The following PLCB3 variants were observed in gnomAD, a reference collection of about 807,000 sequenced individuals.
The protein encoded by PLCB3 is phospholipase C beta 3.
Under a neutral mutation model 152.1 loss-of-function variants are expected in PLCB3, and 54 were observed. The observed-to-expected ratio is 0.36, with a 90% CI of 0.29 to 0.45. The LOEUF is 0.45. PLCB3 is among the 20% of genes least tolerant of loss of function. The probability of loss-of-function intolerance (pLI) is 1.00; values close to 1 mark genes in which losing one functional copy is unlikely to be tolerated. For synonymous variants in PLCB3, 717 were observed against 698.7 expected (o/e 1.03, Z -0.41); for missense variants, 1,248 against 1,687.5 (o/e 0.74, Z 4.56).
In PLCB3 at chr11:64,258,882, C is replaced by T; in HGVS notation, c.1254-3C>T. 1 of 1,614,004 alleles carries T rather than the reference C, an allele frequency of 6.2e-7. No homozygotes were observed. The highest frequency in any genetic ancestry group is 1.3e-5 in the African/African-American group (1 of 75,026). On this transcript the variant is annotated splice_region_variant and splice_polypyrimidine_tract_variant and intron_variant, in intron 11 of 30. Coordinates refer to ENST00000279230, the MANE Select transcript of PLCB3 (RefSeq NM_000932.5). This position sits in a 1 kb window ranked among gnomAD's most constrained non-coding sequence, Gnocchi z 7.2. ...TCTCTGACCTCTGACCTCGGTTCCG[C>T]AGGGCAAAGCAACAGGCAAAGATGG... is the stretch of plus-strand genomic sequence containing the variant.
chr11:64,263,579 G>C lies in PLCB3; in HGVS notation c.2437G>C (p.Val813Leu). Residue 813 changes from valine (V) to leucine (L), a missense_variant, in exon 20 of 31, where the codon GTC becomes CTC. Around this residue, in one of 6 missense-constraint regions of PLCB3, gnomAD observed 244 missense variants for 424.4 expected, o/e 0.57. Transcript: ENST00000279230. The part of the protein sequence containing the change: ...GKFVGHRILP[V>L]SAIRSGYHYV... ...ATTCGTAGGGCACCGGATCCTGCCT[G>C]TCTCTGCCATCCGCTCCGGTGAGGC... 3 of 1,612,350 alleles carry C rather than the reference G, an allele frequency of 1.9e-6. No homozygotes were observed. The highest frequency in any genetic ancestry group is 1.3e-5 in the African/African-American group (1 of 75,044).
chr11:64,263,988 T>A (rs560999161), intron 21 of PLCB3, 33 bp from the exon 22 acceptor site: 9 of 1,526,982 alleles, frequency 5.9e-6, no homozygotes, highest in Middle Eastern at 1.7e-4. Flanking sequence ...GGGGGCTCTG[T>A]CTCTGAGACC....
At chr11:64,268,465 C>T (rs1006802839), downstream of PLCB3, 1 of 152,286 alleles carries the variant, frequency 6.6e-6, no homozygotes, top group African/African-American at 2.4e-5. Context: ...CCCAGCATCC[C>T]CTCATCCCTG....
Position 64,258,598 on chromosome 11 carries a change from G to C in PLCB3, c.1138G>C (p.Gly380Arg). The change falls in exon 11 of 31, where the codon GGC becomes CGC. Residue 380 changes from glycine (G) to arginine (R), a missense_variant. Physicochemically the swap from Gly to Arg is moderately radical, Grantham distance 125. Coordinates refer to ENST00000279230, the MANE Select transcript of PLCB3 (RefSeq NM_000932.5). This position sits in a 1 kb window ranked among gnomAD's most constrained non-coding sequence, Gnocchi z 7.2. ...PPEEEPFITH[G>R]FTMTTEVPLR... is the part of the protein sequence containing the mutation. ...TGAGGAGGAACCCTTCATTACCCACGGCTTCACCATGACCACAGAGGTGCC... is the reference window on the plus strand; with the variant it reads ...TGAGGAGGAACCCTTCATTACCCACCGCTTCACCATGACCACAGAGGTGCC... The C allele has an allele frequency of 6.2e-7, 1 of 1,614,098 alleles. No homozygotes were observed. The highest frequency in any genetic ancestry group is 8.5e-7 in the Non-Finnish European group (1 of 1,180,032).
chr11:64,253,663 C>A (rs2031355055), intron 1 of PLCB3, among the ~76,000 whole-genome samples: 1 of 152,310 alleles, frequency 6.6e-6, no homozygotes, highest in Admixed American at 6.5e-5. Flanking sequence ...CTGAGTCACA[C>A]AGGGTGGCCC....
chr11:64,258,822 T>C lies in PLCB3; in HGVS notation c.1254-63T>C. 1 of 1,607,198 alleles carries C rather than the reference T, an allele frequency of 6.2e-7. No homozygotes were observed. Among genetic ancestry groups the C allele is most frequent in the Non-Finnish European group, 8.5e-7 (1 of 1,174,000 alleles). ...AACCCTGCGAACGGCCACTGACATGTCCCGTAGACCTCAGCTTCCTCTCTG... is the reference window on the plus strand; with the variant it reads ...AACCCTGCGAACGGCCACTGACATGCCCCGTAGACCTCAGCTTCCTCTCTG... On this transcript the variant is annotated intron_variant, in intron 11 of 30. Coordinates refer to ENST00000279230, the MANE Select transcript of PLCB3 (RefSeq NM_000932.5). The surrounding 1 kb of genome is among the most constrained non-coding windows in gnomAD (Gnocchi z 7.2).
chr11:64,263,717 G>T lies in PLCB3; in HGVS notation c.2482G>T (p.Glu828Ter). ...SGYHYVCLRN[E>*]ANQPLCLPAL... ...ATACCACTACGTCTGCCTGCGGAAC[G>T]AGGCCAACCAACCGCTGTGCCTGCC... Residue 828 changes from glutamate to a stop codon, truncating the protein, a stop_gained, in exon 21 of 31, where the codon GAG becomes TAG. Coordinates refer to ENST00000279230, the MANE Select transcript of PLCB3 (RefSeq NM_000932.5). LOFTEE classifies it high-confidence loss of function. 6.2e-7 allele frequency: 1 copy of T among 1,613,542 alleles called. No homozygotes were observed. Among genetic ancestry groups the T allele is most frequent in the Non-Finnish European group, 8.5e-7 (1 of 1,179,968 alleles).
intron 1 of PLCB3, among the ~76,000 whole-genome samples, chr11:64,252,188 C>T (rs1195896843): frequency 6.6e-6 from 1 of 152,008 alleles, no homozygotes; most frequent in Non-Finnish European, 1.5e-5. Context: ...CTCCCCGGTG[C>T]CCTGCCTGAA....
chr11:64,256,997 CT>C (rs5792316), intron 10 of PLCB3, among the ~76,000 whole-genome samples: 21,522 of 61,232 alleles, frequency 0.35, 2,283 homozygotes, highest in East Asian at 0.59. Context: ...CTTCAGGGTC[CT>C]TTTTTTTTTT....
Position 64,267,510 on chromosome 11 carries a change from T to C in PLCB3, c.3659T>C (p.Leu1220Pro), listed in dbSNP as rs2032188170. The change falls in exon 31 of 31, where the codon CTG (leucine) becomes CCG (proline). Residue 1220 changes from leucine (L) to proline (P), a missense_variant. By Grantham distance (98) the Leu-to-Pro change is moderately conservative. Around this residue, in one of 6 missense-constraint regions of PLCB3, gnomAD observed 477 missense variants for 489.6 expected, o/e 0.97. Transcript: ENST00000279230. This position sits in a 1 kb window ranked among gnomAD's most constrained non-coding sequence, Gnocchi z 5.2. ...NGHAPGSSGH[L>P]SGADSESQEE... Reference sequence around the variant, plus strand: ...CACGCACCCGGGAGCAGCGGGCACCTGTCGGGCGCTGACTCGGAGAGCCAG... The same window carrying C: ...CACGCACCCGGGAGCAGCGGGCACCCGTCGGGCGCTGACTCGGAGAGCCAG... 1 of 1,569,136 alleles carries C rather than the reference T, an allele frequency of 6.4e-7. No individual in the cohort carries two copies. The highest frequency in any genetic ancestry group is 8.6e-7 in the Non-Finnish European group (1 of 1,161,570).
At chr11:64,265,641 T>TTC in intron 25 of PLCB3, 139 bp downstream of exon 25, 1 of 1,389,544 alleles carries the variant, frequency 7.2e-7, no homozygotes, top group South Asian at 1.5e-5. Context: ...GGAGGAGGCT[T>TTC]TCCACACCAG....
chr11:64,266,542 C>T lies in PLCB3; in HGVS notation c.3404C>T (p.Ser1135Phe), dbSNP rs767214397. The T allele has an allele frequency of 3.1e-6, 5 of 1,613,794 alleles. No individual in the cohort carries two copies. In the African/African-American group the frequency reaches 6.7e-5, roughly 22 times the overall value. The change falls in exon 29 of 31, where the codon TCC becomes TTC. Residue 1135 changes from serine to phenylalanine, a missense_variant. Ser to Phe is a radical substitution (Grantham distance 155, BLOSUM62 -2). Around this residue, in one of 6 missense-constraint regions of PLCB3, gnomAD observed 477 missense variants for 489.6 expected, o/e 0.97. Coordinates refer to ENST00000279230, the MANE Select transcript of PLCB3 (RefSeq NM_000932.5). The surrounding 1 kb of genome is among the most constrained non-coding windows in gnomAD (Gnocchi z 4.9). The part of the protein sequence containing the change: ...NRRHITESVN[S>F]IRRLEEAQKQ... ...CGGCACATCACTGAGTCAGTCAACTCCATCCGTCGGGTGAGTCAGGCTCCC... is the reference window on the plus strand; with the variant it reads ...CGGCACATCACTGAGTCAGTCAACTTCATCCGTCGGGTGAGTCAGGCTCCC...
At chr11:64,254,621 G>C in intron 2 of PLCB3, 127 bp from the exon 3 acceptor site, 1 of 1,360,494 alleles carries the variant, frequency 7.4e-7, no homozygotes, top group Non-Finnish European at 1.0e-6. Flanking sequence ...GAAGTGCTCA[G>C]GGCAGGAGCT....
At chr11:64,261,854 C>T in intron 16 of PLCB3, 98 bp from the exon 17 acceptor site, 1 of 1,546,718 alleles carries the variant, frequency 6.5e-7, no homozygotes, top group Non-Finnish European at 8.9e-7. Context: ...GAAACAGAGG[C>T]CGGGTGTGGG....
Position 64,265,023 on chromosome 11 carries a change from ACCC to A in PLCB3, c.2728_2730del (p.Pro910del). On this transcript the variant is annotated inframe_deletion, in exon 23 of 31. Transcript: ENST00000279230. ...GGGGTCTCAGCCGTCCTCAAACCCC[ACCC>A]CCAGCCCACTGGATGCCTCCCCCCG... The A allele has an allele frequency of 1.9e-6, 2 of 1,040,224 alleles. No homozygotes were observed. Among genetic ancestry groups the A allele is most frequent in the South Asian group, 2.1e-5 (1 of 48,328 alleles). 64.4% of individuals were successfully genotyped at this position (1,040,224 alleles called of 1,614,324 possible).
chr11:64,253,319 TC>T (rs1307004680), intron 1 of PLCB3, among the ~76,000 whole-genome samples: 1 of 152,176 alleles, frequency 6.6e-6, no homozygotes, highest in African/African-American at 2.4e-5. Context: ...CTACGAAGTG[TC>T]CCTGTAACTC....
At chr11:64,254,549 T>G in intron 2 of PLCB3, 57 bp downstream of exon 2, 2 of 1,547,156 alleles carry the variant, frequency 1.3e-6, no homozygotes, top group Non-Finnish European at 1.8e-6. Context: ...CCCAGACCCC[T>G]GCCCTGCCCG....
At chr11:64,261,917 C>T (rs1591110589) in intron 16 of PLCB3, 35 bp from the exon 17 acceptor site, 2 of 1,613,128 alleles carry the variant, frequency 1.2e-6, no homozygotes, top group East Asian at 2.2e-5. Context: ...GGGGTGGGCC[C>T]TGGCACCTGT....
Position 64,255,904 on chromosome 11 carries a change from G to A in PLCB3, c.698+83G>A. The A allele has an allele frequency of 9.1e-7, 1 of 1,095,100 alleles. No individual in the cohort carries two copies. Among genetic ancestry groups the A allele is most frequent in the South Asian group, 1.2e-5 (1 of 80,270 alleles). 67.8% of individuals were successfully genotyped at this position (1,095,100 alleles called of 1,614,324 possible). A position where few individuals can be genotyped will look rare whatever the true frequency, so the allele number is the denominator to read the frequency against. ...CGTGCCTCTAGCTCAATGGGGAGAG[G>A]GGAAACTGGTGGGCCGGGTCCTGGA... On this transcript the variant is annotated intron_variant, in intron 8 of 30. Coordinates refer to ENST00000279230, the MANE Select transcript of PLCB3 (RefSeq NM_000932.5). This position sits in a 1 kb window ranked among gnomAD's most constrained non-coding sequence, Gnocchi z 6.8.
Sources: gnomAD v4.1 joint callset for allele counts (sites outside exome capture counted in the v4.1 genomes callset) on GRCh38, gnomAD v4.1.1 for gene constraint, gnomAD v4.1.1 regional missense constraint, Gnocchi (gnomAD v3.1) non-coding constraint, MANE v1.5 for transcripts, NCBI Gene and HGNC (gene_info 2026-07-23, HGNC 2026-07-21) for gene names.